The following FAM227B variants were observed in gnomAD, a reference collection of about 807,000 sequenced individuals.
FAM227B encodes the protein family with sequence similarity 227 member B, also known as protein FAM227B.
FAM227B carries 88 observed loss-of-function variants against 73.8 expected under a neutral mutation model. That is an observed-to-expected ratio of 1.19 (90% CI 1.00 to 1.42). The LOEUF (loss-of-function observed/expected upper bound fraction) is 1.42. Among genes scored for constraint, FAM227B ranks in the 40% most tolerant of loss-of-function variants. The probability of loss-of-function intolerance (pLI) is 0.00; values close to 1 mark genes in which losing one functional copy is unlikely to be tolerated. For missense variants in FAM227B, 632 were observed against 590.9 expected (o/e 1.07, Z -0.72); for synonymous variants, 210 against 190.5 (o/e 1.10, Z -0.84).
chr15:49,394,132 G>A (rs2047405338), intron 11 of FAM227B, among the ~76,000 whole-genome samples: 1 of 152,152 alleles, frequency 6.6e-6, no homozygotes, highest in African/African-American at 2.4e-5. Flanking sequence ...CACAGAGCTA[G>A]AACAGTCCTT....
intron 11 of FAM227B, among the ~76,000 whole-genome samples, chr15:49,433,236 T>G (rs977468849): frequency 1.3e-5 from 2 of 151,698 alleles, no homozygotes; most frequent in Admixed American, 6.6e-5. Flanking sequence ...TTTCTACCTG[T>G]GTACAGCACA....
chr15:49,483,623 T>A (rs1289139167), intron 11 of FAM227B, among the ~76,000 whole-genome samples: 2 of 152,048 alleles, frequency 1.3e-5, no homozygotes, highest in Non-Finnish European at 2.9e-5. Context: ...ATGAAAATTC[T>A]TGGGAAAAAA....
At chr15:49,329,692 A>C in intron 15 of FAM227B, 2 of 976,920 alleles carry the variant, frequency 2.0e-6, no homozygotes, top group Non-Finnish European at 2.4e-6. Flanking sequence ...TAAATCCAAA[A>C]ATCTGAAACC....
chr15:49,588,242 G>T (rs566952597), intron 4 of FAM227B, among the ~76,000 whole-genome samples, 159 bp from the exon 5 acceptor site: 1 of 151,594 alleles, frequency 6.6e-6, no homozygotes, highest in Non-Finnish European at 1.5e-5. Context: ...ACTGTTAGCT[G>T]AATGAATAAC....
At chr15:49,559,656 G>T (rs144822551) in intron 9 of FAM227B, among the ~76,000 whole-genome samples, 1 of 152,208 alleles carries the variant, frequency 6.6e-6, no homozygotes, top group Non-Finnish European at 1.5e-5. Flanking sequence ...GACACTATAG[G>T]CCGGGTGTGG....
chr15:49,394,940 C>A (rs2151590454), intron 11 of FAM227B, among the ~76,000 whole-genome samples: 1 of 152,258 alleles, frequency 6.6e-6, no homozygotes, highest in African/African-American at 2.4e-5. Flanking sequence ...GCCAAACTTA[C>A]AAATGTTCTC....
chr15:49,384,000 G>A (rs2046713798), intron 11 of FAM227B, among the ~76,000 whole-genome samples: 1 of 152,050 alleles, frequency 6.6e-6, no homozygotes, highest in Non-Finnish European at 1.5e-5. Context: ...CACTGGGACT[G>A]AGGGAAAAAG....
intron 11 of FAM227B, among the ~76,000 whole-genome samples, chr15:49,447,676 G>T (rs2052351078): frequency 6.6e-6 from 1 of 151,648 alleles, no homozygotes; most frequent in African/African-American, 2.4e-5. Context: ...TGAAGAAGAT[G>T]ATTTGGGTAA....
chr15:49,607,402 A>G (rs528219736), intron 3 of FAM227B, among the ~76,000 whole-genome samples: 1 of 152,320 alleles, frequency 6.6e-6, no homozygotes, highest in South Asian at 2.1e-4. Flanking sequence ...ATTTTGAAGA[A>G]TAAGAGAAGG....
At chr15:49,569,750 A>G (rs2074954057) in intron 8 of FAM227B, among the ~76,000 whole-genome samples, 1 of 151,990 alleles carries the variant, frequency 6.6e-6, no homozygotes, top group Non-Finnish European at 1.5e-5. Context: ...TGTCTCACTG[A>G]AACTCTTTAC....
intron 10 of FAM227B, among the ~76,000 whole-genome samples, chr15:49,522,620 C>G (rs953880667): frequency 2.0e-5 from 3 of 151,952 alleles, no homozygotes; most frequent in African/African-American, 7.2e-5. Flanking sequence ...AAAAAACTCT[C>G]TGAAAGAATT....
At chr15:49,544,502 A>AT (rs2071537475) in intron 9 of FAM227B, among the ~76,000 whole-genome samples, 1 of 152,062 alleles carries the variant, frequency 6.6e-6, no homozygotes, top group Non-Finnish European at 1.5e-5. Context: ...TCTTTATTTC[A>AT]TTCTCTTCTT....
chr15:49,407,463 A>G (rs1255682664), intron 11 of FAM227B, among the ~76,000 whole-genome samples: 1 of 150,882 alleles, frequency 6.6e-6, no homozygotes, highest in African/African-American at 2.4e-5. Flanking sequence ...TTAGGAATAC[A>G]CCAGTCATCT....
chr15:49,494,349 T>A (rs2057410577), intron 11 of FAM227B, among the ~76,000 whole-genome samples: 1 of 151,758 alleles, frequency 6.6e-6, no homozygotes, highest in African/African-American at 2.4e-5. Context: ...AAACGTATAT[T>A]GTCAAGAACT....
intron 11 of FAM227B, among the ~76,000 whole-genome samples, chr15:49,451,627 T>G (rs2052752431): frequency 6.6e-6 from 1 of 152,148 alleles, no homozygotes; most frequent in Non-Finnish European, 1.5e-5. Context: ...TTGACCTTGA[T>G]AATTTCAGTA....
chr15:49,497,555 CAG>C lies in FAM227B; in HGVS notation c.1012+10654_1012+10655del, dbSNP rs555084402. Reference sequence around the variant, plus strand: ...CTGACCACTAACTGATATAAAAACACAGAAGATAGTTTTAAAAGTAGATTAAA... The same window carrying C: ...CTGACCACTAACTGATATAAAAACACAAGATAGTTTTAAAAGTAGATTAAA... On this transcript the variant is annotated intron_variant, in intron 11 of 15. Transcript: ENST00000299338. 2.3e-4 allele frequency among the ~76,000 whole-genome samples: 35 copies of C among 152,282 alleles called. No individual in the cohort carries two copies. The South Asian group carries it at 7.3e-3, about 32-fold the overall frequency.
chr15:49,376,632 T>C (rs12916840), intron 11 of FAM227B, among the ~76,000 whole-genome samples: 63,051 of 151,810 alleles, frequency 0.42, 13,246 homozygotes, highest in African/African-American at 0.43. Context: ...TGAATTTCTA[T>C]ACCATTCTCA....
intron 11 of FAM227B, among the ~76,000 whole-genome samples, chr15:49,460,668 GA>G (rs1231830754): frequency 6.6e-6 from 1 of 151,874 alleles, no homozygotes; most frequent in African/African-American, 2.4e-5. Context: ...ATTATAGTCT[GA>G]AAAAAATAGG....
At chr15:49,511,532 A>T (rs2058999682) in intron 10 of FAM227B, among the ~76,000 whole-genome samples, 1 of 152,016 alleles carries the variant, frequency 6.6e-6, no homozygotes, top group South Asian at 2.1e-4. Flanking sequence ...GTGTACTATG[A>T]TGATTTGCTG....
Sources: gnomAD v4.1 joint callset for allele counts (sites outside exome capture counted in the v4.1 genomes callset) on GRCh38, gnomAD v4.1.1 for gene constraint, MANE v1.5 for transcripts, NCBI Gene and HGNC (gene_info 2026-07-23, HGNC 2026-07-21) for gene names.